The following PDXK variants were observed in gnomAD, a reference collection of about 807,000 sequenced individuals.
PDXK encodes the protein epididymis secretory sperm binding protein Li 1a.
PDXK carries 15 observed loss-of-function variants against 43.2 expected under a neutral mutation model. The ratio of observed to expected loss-of-function variants is 0.35; its 90% CI spans 0.23 to 0.53. The LOEUF (loss-of-function observed/expected upper bound fraction) is 0.53, where lower values mean the gene tolerates loss of function less well. PDXK is among the 20% of genes least tolerant of loss of function. The pLI is 0.92. For missense variants in PDXK, 343 were observed against 417.0 expected, an observed-to-expected ratio of 0.82 and a Z score of 1.54; for synonymous variants, 172 against 165.4, an observed-to-expected ratio of 1.04 and a Z score of -0.31.
At position 43,752,147 on chromosome 21, in the gene PDXK, C is replaced by CT. The variant is rs888758005; in HGVS notation, c.511-370dup. On this transcript the variant is annotated intron_variant, in intron 7 of 10. Transcript: ENST00000291565. Reference sequence around the variant, plus strand: ...TGTGTGCGCGCGCGTGCTGCCCGATCTGAGGCAACCGTGCGGTGGAGACAG... The same window carrying CT: ...TGTGTGCGCGCGCGTGCTGCCCGATCTTGAGGCAACCGTGCGGTGGAGACAG... Among the ~76,000 whole-genome samples, 66 of 152,244 alleles carry CT rather than the reference C, an allele frequency of 4.3e-4. 2 individuals are homozygous for CT. Among genetic ancestry groups the CT allele is most frequent in the Non-Finnish European group, 5.1e-4 (35 of 68,016 alleles).
chr21:43,719,665 C>G (rs539157003), intron 1 of PDXK: 141 of 985,314 alleles, frequency 1.4e-4, no homozygotes, highest in Admixed American at 2.5e-4. Flanking sequence ...CGCAGCCGCT[C>G]GTCCTCGCCC....
intron 1 of PDXK, among the ~76,000 whole-genome samples, chr21:43,731,010 T>A (rs183349016): frequency 2.4e-4 from 37 of 152,234 alleles, no homozygotes; most frequent in Admixed American, 7.8e-4. Flanking sequence ...ATTTTTTTTT[T>A]AAATAGAGAT....
At chr21:43,741,555 G>T in intron 2 of PDXK, 112 bp from the exon 3 acceptor site, 2 of 1,531,154 alleles carry the variant, frequency 1.3e-6, no homozygotes, top group Middle Eastern at 2.2e-4. Context: ...CAGTCCATGG[G>T]GAGGAGCCGT....
chr21:43,758,353 G>C lies in PDXK; in HGVS notation c.*2290G>C, dbSNP rs1214451025. ...TGGCTGTATCAGCCGAACCAGGAGA[G>C]GCCTGGGCTGCGACTAAGGAGAAAG... is the stretch of plus-strand genomic sequence containing the variant. On this transcript the variant is annotated 3_prime_UTR_variant, in exon 11 of 11. Transcript: ENST00000291565. The C allele has an allele frequency of 6.5e-6, 1 of 153,562 alleles. No homozygotes were observed. The highest frequency in any genetic ancestry group is 2.4e-5 in the African/African-American group (1 of 41,450). 9.5% of individuals were successfully genotyped at this position (153,562 alleles called of 1,614,324 possible).
chr21:43,752,446 G>A (rs936044068), intron 7 of PDXK, 72 bp from the exon 8 acceptor site: 35 of 992,698 alleles, frequency 3.5e-5, no homozygotes, highest in South Asian at 2.1e-4. Flanking sequence ...GTGATGGATC[G>A]GGGAGTGGGG....
chr21:43,749,350 C>T (rs150292949), intron 6 of PDXK, among the ~76,000 whole-genome samples: 2,319 of 152,316 alleles, frequency 0.015, 28 homozygotes, highest in Middle Eastern at 0.068. Context: ...GGTGATCCAC[C>T]CATCTCAGTC....
chr21:43,719,582 CG>C lies in PDXK; in HGVS notation c.87+204del, dbSNP rs1167271809. 3 of 981,706 alleles carry C rather than the reference CG, an allele frequency of 3.1e-6. No individual in the cohort carries two copies. In the African/African-American group the frequency reaches 5.2e-5, roughly 17 times the overall value. The allele number at this position is 981,706 out of a possible 1,614,324, so 60.8% of individuals were successfully genotyped here. A position where few individuals can be genotyped will look rare whatever the true frequency, so the allele number is the denominator to read the frequency against. ...CGGAAGCGGAGGGCTGAGCGCTCTG[CG>C]GGCCCCTGCGGGTGGGACGGGTCCG... On this transcript the variant is annotated intron_variant, in intron 1 of 10. Transcript: ENST00000291565.
chr21:43,753,804 C>T (rs2147318477), intron 9 of PDXK, 85 bp downstream of exon 9: 1 of 1,444,184 alleles, frequency 6.9e-7, no homozygotes, highest in African/African-American at 1.4e-5. Flanking sequence ...GTGGGGGGTC[C>T]CTGCTGAGCT....
In PDXK at chr21:43,737,297, A is replaced by AG. The variant is rs1180036834; in HGVS notation, c.142+3176dup. The AG allele has an allele frequency of 3.6e-6, 5 of 1,396,434 alleles. No homozygotes were observed. The African/African-American group carries it at 7.3e-5, about 20-fold the overall frequency. 86.5% of individuals were successfully genotyped at this position (1,396,434 alleles called of 1,614,324 possible). The stretch of plus-strand genomic sequence containing the variant: ...ACCTGGCGCAGGCCTCGCCGCCTCG[A>AG]GGCTGCTGCTCGCACTTCTGCCCCT... On this transcript the variant is annotated intron_variant, in intron 2 of 10. Coordinates refer to ENST00000291565, the MANE Select transcript of PDXK (RefSeq NM_003681.5). This position sits in a 1 kb window ranked among gnomAD's most constrained non-coding sequence, Gnocchi z 4.8.
rs1415776758 is a variant in PDXK, at chr21:43,758,949, G to A, written c.*2886G>A. ...TACATGTAAACAGTTGCAGCATGAT[G>A]CTTTGTTTAATGTCCTGTTCTTAAG... On this transcript the variant is annotated 3_prime_UTR_variant, in exon 11 of 11. Coordinates refer to ENST00000291565, the MANE Select transcript of PDXK (RefSeq NM_003681.5). The A allele has an allele frequency of 6.6e-6, 1 of 152,214 alleles. No homozygotes were observed. The highest frequency in any genetic ancestry group is 1.5e-5 in the Non-Finnish European group (1 of 68,030). 9.4% of individuals were successfully genotyped at this position (152,214 alleles called of 1,614,324 possible).
chr21:43,737,921 C>T lies in PDXK; in HGVS notation c.143-3746C>T. 2.0e-6 allele frequency: 2 copies of T among 985,512 alleles called. No homozygotes were observed. Among genetic ancestry groups the T allele is most frequent in the South Asian group, 9.4e-5 (2 of 21,296 alleles). The allele number at this position is 985,512 out of a possible 1,614,324, so 61.0% of individuals were successfully genotyped here. A position where few individuals can be genotyped will look rare whatever the true frequency, so the allele number is the denominator to read the frequency against. The stretch of plus-strand genomic sequence containing the variant: ...AGGTTCTTGTGGGCTCTGGGCCCAT[C>T]CCACATCCCACAGTGGGCAGGAGGC... On this transcript the variant is annotated intron_variant, in intron 2 of 10. Transcript: ENST00000291565. This position sits in a 1 kb window ranked among gnomAD's most constrained non-coding sequence, Gnocchi z 4.8.
Position 43,734,014 on chromosome 21 carries a change from G to T in PDXK, c.88-55G>T. The T allele has an allele frequency of 6.4e-7, 1 of 1,561,230 alleles. No individual in the cohort carries two copies. The highest frequency in any genetic ancestry group is 2.2e-5 in the East Asian group (1 of 44,616). Reference sequence around the variant, plus strand: ...TCTGAGTCAGCACCTGCTGGGGTTCGTGGGACCCCAGACCTGGCTCTCTTA... The same window carrying T: ...TCTGAGTCAGCACCTGCTGGGGTTCTTGGGACCCCAGACCTGGCTCTCTTA... On this transcript the variant is annotated intron_variant, in intron 1 of 10. Coordinates refer to ENST00000291565, the MANE Select transcript of PDXK (RefSeq NM_003681.5). This position sits in a 1 kb window ranked among gnomAD's most constrained non-coding sequence, Gnocchi z 5.0.
chr21:43,730,286 C>T (rs1211284938), intron 1 of PDXK, among the ~76,000 whole-genome samples: 2 of 152,070 alleles, frequency 1.3e-5, no homozygotes, highest in East Asian at 1.9e-4. Context: ...CCACTACACC[C>T]GGCCAATTTT....
At position 43,737,255 on chromosome 21, in the gene PDXK, A is replaced by G; in HGVS notation, c.142+3132A>G. 7.0e-7 allele frequency: 1 copy of G among 1,423,040 alleles called. No individual in the cohort carries two copies. Among genetic ancestry groups the G allele is most frequent in the African/African-American group, 1.4e-5 (1 of 69,500 alleles). The allele number at this position is 1,423,040 out of a possible 1,614,324, so 88.2% of individuals were successfully genotyped here. A position where few individuals can be genotyped will look rare whatever the true frequency, so the allele number is the denominator to read the frequency against. ...TGGGGGGTGGGAAAGCCGATCCCCC[A>G]AGTGCCTGCAGAGCCCACCTGGCGC... On this transcript the variant is annotated intron_variant, in intron 2 of 10. Transcript: ENST00000291565. The surrounding 1 kb of genome is among the most constrained non-coding windows in gnomAD (Gnocchi z 4.8).
In PDXK at chr21:43,737,955, G is replaced by C; in HGVS notation, c.143-3712G>C. On this transcript the variant is annotated intron_variant, in intron 2 of 10. Coordinates refer to ENST00000291565, the MANE Select transcript of PDXK (RefSeq NM_003681.5). This position sits in a 1 kb window ranked among gnomAD's most constrained non-coding sequence, Gnocchi z 4.8. ...CACAGTGGGCAGGAGGCCACCAAGAGGTGCAAGACCATGCCCTCTGTTTCG... is the reference window on the plus strand; with the variant it reads ...CACAGTGGGCAGGAGGCCACCAAGACGTGCAAGACCATGCCCTCTGTTTCG... The C allele has an allele frequency of 1.0e-6, 1 of 985,514 alleles. No individual in the cohort carries two copies. The highest frequency in any genetic ancestry group is 1.2e-6 in the Non-Finnish European group (1 of 829,946). The allele number at this position is 985,514 out of a possible 1,614,324, so 61.0% of individuals were successfully genotyped here.
At position 43,723,682 on chromosome 21, in the gene PDXK, T is replaced by C. The variant is rs2299804; in HGVS notation, c.87+4301T>C. ...TCTCCAAACTGGGCTGTGCAGAGATTGTCCCAAGCACGTCTGAGGCCAGTA... is the reference window on the plus strand; with the variant it reads ...TCTCCAAACTGGGCTGTGCAGAGATCGTCCCAAGCACGTCTGAGGCCAGTA... On this transcript the variant is annotated intron_variant, in intron 1 of 10. Transcript: ENST00000291565. This position sits in a 1 kb window ranked among gnomAD's most constrained non-coding sequence, Gnocchi z 4.1. The C allele has an allele frequency of 0.74, 112,169 of 152,234 alleles. 41,736 individuals are homozygous for C. Among genetic ancestry groups the C allele is most frequent in the South Asian group, 0.83 (4,016 of 4,832 alleles). The allele number at this position is 152,234 out of a possible 1,614,324, so 9.4% of individuals were successfully genotyped here. A position where few individuals can be genotyped will look rare whatever the true frequency, so the allele number is the denominator to read the frequency against.
At position 43,735,202 on chromosome 21, in the gene PDXK, A is replaced by C. The variant is rs947880341; in HGVS notation, c.142+1079A>C. Reference sequence around the variant, plus strand: ...ACGTCCCCGAAGACTCAGGCCCTCCAGGAGCCTCCCTGAACCCACATGTCC... The same window carrying C: ...ACGTCCCCGAAGACTCAGGCCCTCCCGGAGCCTCCCTGAACCCACATGTCC... On this transcript the variant is annotated intron_variant, in intron 2 of 10. Coordinates refer to ENST00000291565, the MANE Select transcript of PDXK (RefSeq NM_003681.5). This position sits in a 1 kb window ranked among gnomAD's most constrained non-coding sequence, Gnocchi z 5.3. Among the ~76,000 whole-genome samples the C allele has an allele frequency of 1.3e-5, 2 of 152,224 alleles. No individual in the cohort carries two copies. Among genetic ancestry groups the C allele is most frequent in the African/African-American group, 4.8e-5 (2 of 41,458 alleles).
rs2083332098 is a variant in PDXK, at chr21:43,732,467, C to T, written c.88-1602C>T. On this transcript the variant is annotated intron_variant, in intron 1 of 10. Transcript: ENST00000291565. The surrounding 1 kb of genome is among the most constrained non-coding windows in gnomAD (Gnocchi z 4.1). ...GGTGTGTGAAACGGAGATGCCAGCC[C>T]AGGGGCTCAGCTTGCTCGTGCTCTC... 1.2e-6 allele frequency: 2 copies of T among 1,604,648 alleles called. No homozygotes were observed. Among genetic ancestry groups the T allele is most frequent in the African/African-American group, 1.3e-5 (1 of 74,866 alleles).
chr21:43,743,240 C>T (rs1362916663), intron 3 of PDXK, among the ~76,000 whole-genome samples: 3 of 99,756 alleles, frequency 3.0e-5, no homozygotes, highest in Admixed American at 9.5e-5. Flanking sequence ...GGGGACACCT[C>T]GCCTGCACCC....
Sources: gnomAD v4.1 joint callset for allele counts (sites outside exome capture counted in the v4.1 genomes callset) on GRCh38, gnomAD v4.1.1 for gene constraint, Gnocchi (gnomAD v3.1) non-coding constraint, MANE v1.5 for transcripts, NCBI Gene and HGNC (gene_info 2026-07-23, HGNC 2026-07-21) for gene names.